The following FLT3 variants were observed in gnomAD, a reference collection of about 807,000 sequenced individuals.
The protein encoded by FLT3 is receptor-type tyrosine-protein kinase FLT3.
FLT3 carries 46 observed loss-of-function variants against 126.6 expected under a neutral mutation model. The observed-to-expected ratio is 0.36, with a 90% confidence interval of 0.29 to 0.46. The LOEUF (loss-of-function observed/expected upper bound fraction) is 0.46, where lower values mean the gene tolerates loss of function less well. Ranked by LOEUF, FLT3 falls within the 20% of genes least tolerant of loss-of-function variation. The probability of loss-of-function intolerance (pLI) is 1.00; values close to 1 mark genes in which losing one functional copy is unlikely to be tolerated. For missense variants in FLT3, 1,069 were observed against 1,190.3 expected, an observed-to-expected ratio of 0.90 and a Z score of 1.50; for synonymous variants, 404 against 434.4, an observed-to-expected ratio of 0.93 and a Z score of 0.87.
intron 2 of FLT3, among the ~76,000 whole-genome samples, chr13:28,063,572 A>G (rs1035216520): frequency 6.6e-6 from 1 of 152,234 alleles, no homozygotes; most frequent in Non-Finnish European, 1.5e-5. Flanking sequence ...TCTCCTTTAC[A>G]TGGCTGAACA....
rs769899577 is a variant in FLT3 at position 28,048,422 on chromosome 13, G to T, written c.1058C>A (p.Thr353Asn). Residue 353 changes from threonine to asparagine, a missense_variant, in exon 9 of 24, where the codon ACC becomes AAC. Physicochemically the swap from Thr to Asn is moderately conservative, Grantham distance 65 (BLOSUM62 0). Coordinates refer to ENST00000241453, the MANE Select transcript of FLT3 (RefSeq NM_004119.3). ...AATTTCATAATCTTCACTTGAATTG[G>T]TAGCATTTATAAATCCCTTTTCTGT... ...TIVEKGFINA[T>N]NSSEDYEIDQ... 6.2e-7 allele frequency: 1 copy of T among 1,606,954 alleles called. No homozygotes were observed. The highest frequency in any genetic ancestry group is 1.1e-5 in the South Asian group (1 of 90,570).
intron 2 of FLT3, among the ~76,000 whole-genome samples, chr13:28,065,519 G>A (rs1876937391): frequency 6.6e-6 from 1 of 152,134 alleles, no homozygotes; most frequent in Non-Finnish European, 1.5e-5. Context: ...GTGCATGCCT[G>A]TGGTCCTTGC....
chr13:28,014,638 C>T, intron 22 of FLT3, 81 bp from the exon 23 acceptor site: 1 of 942,910 alleles, frequency 1.1e-6, no homozygotes, highest in Admixed American at 2.0e-5. Flanking sequence ...AATGAAGCAC[C>T]ATTTATTCCT....
At chr13:28,035,474 T>G (rs1235219367) in intron 12 of FLT3, 21 bp downstream of exon 12, 1 of 1,600,482 alleles carries the variant, frequency 6.2e-7, no homozygotes, top group African/African-American at 1.3e-5. Context: ...TGGTGGAATA[T>G]CACAAGAACA....
chr13:28,030,900 T>C (rs536703025), intron 15 of FLT3, among the ~76,000 whole-genome samples: 50 of 149,952 alleles, frequency 3.3e-4, no homozygotes, highest in African/African-American at 1.2e-3. Flanking sequence ...TGAGACCCTA[T>C]CTCAAAAAAA....
At chr13:28,013,577 T>C (rs1871579100) in intron 23 of FLT3, among the ~76,000 whole-genome samples, 1 of 152,196 alleles carries the variant, frequency 6.6e-6, no homozygotes, top group African/African-American at 2.4e-5. Context: ...GTGGTGTTGA[T>C]GGGGGAAGCG....
chr13:28,051,147 A>G (rs9507988), intron 5 of FLT3, among the ~76,000 whole-genome samples: 1 of 152,102 alleles, frequency 6.6e-6, no homozygotes, highest in Non-Finnish European at 1.5e-5. Flanking sequence ...TCTGGATTCT[A>G]TATCTTTAAA....
intron 19 of FLT3, among the ~76,000 whole-genome samples, chr13:28,019,747 G>A (rs1872212303): frequency 6.6e-6 from 1 of 152,162 alleles, no homozygotes; most frequent in South Asian, 2.1e-4. Flanking sequence ...GGACCTCCCT[G>A]TGGTGTCTGC....
chr13:28,099,264 A>T (rs1263455779), intron 1 of FLT3, among the ~76,000 whole-genome samples: 1 of 152,228 alleles, frequency 6.6e-6, no homozygotes, highest in African/African-American at 2.4e-5. Context: ...ACATAATAGA[A>T]AGCTAACATT....
At chr13:28,008,273 C>CT (rs1871084975) in intron 23 of FLT3, among the ~76,000 whole-genome samples, 1 of 53,554 alleles carries the variant, frequency 1.9e-5, no homozygotes, top group Admixed American at 3.2e-4. Context: ...AAGAACCTGT[C>CT]TCAAAAAAAA....
intron 1 of FLT3, among the ~76,000 whole-genome samples, chr13:28,076,048 C>T (rs564679340): frequency 2.6e-5 from 4 of 152,200 alleles, no homozygotes; most frequent in East Asian, 1.9e-4. Context: ...CTGTCCGCCT[C>T]GGCCTCCCAA....
chr13:28,026,167 A>G (rs976719722), intron 17 of FLT3, among the ~76,000 whole-genome samples: 3 of 152,028 alleles, frequency 2.0e-5, no homozygotes, highest in Non-Finnish European at 4.4e-5. Context: ...CCTGACCAAC[A>G]TGGTGAAACC....
intron 1 of FLT3, among the ~76,000 whole-genome samples, chr13:28,099,549 C>G (rs1345489176): frequency 6.6e-6 from 1 of 152,198 alleles, no homozygotes. Flanking sequence ...GACGGACTCC[C>G]TCACTGCACA....
intron 1 of FLT3, among the ~76,000 whole-genome samples, chr13:28,074,689 G>A (rs571574830): frequency 1.3e-5 from 2 of 152,056 alleles, no homozygotes; most frequent in Admixed American, 6.6e-5. Context: ...CACTCAGGTT[G>A]GAGTATAGTG....
chr13:28,095,278 C>T (rs900811264), intron 1 of FLT3, among the ~76,000 whole-genome samples: 5 of 152,048 alleles, frequency 3.3e-5, no homozygotes, highest in African/African-American at 1.2e-4. Flanking sequence ...CTTCAGTTTC[C>T]CCTCTCTTTT....
At position 28,050,154 on chromosome 13, in the gene FLT3, T is replaced by G. The variant is rs550617659; in HGVS notation, c.683A>C (p.Asp228Ala). 2 of 1,614,020 alleles carry G rather than the reference T, an allele frequency of 1.2e-6. No homozygotes were observed. Among genetic ancestry groups the G allele is most frequent in the East Asian group, 4.5e-5 (2 of 44,878 alleles). Residue 228 changes from aspartate to alanine, a missense_variant, in exon 6 of 24, where the codon GAC becomes GCC. Physicochemically the swap from Asp to Ala is moderately radical, Grantham distance 126 (BLOSUM62 -2). Transcript: ENST00000241453. ...TTCATTTCTGGCACAGCACCTTATG[T>G]CCGTCCCAAATAATTCATGAAGCAC... ...EKVLHELFGT[D>A]IRCCARNELG...
chr13:28,024,715 A>G, intron 18 of FLT3, 146 bp downstream of exon 18: 1 of 567,976 alleles, frequency 1.8e-6, no homozygotes, highest in East Asian at 2.9e-5. Flanking sequence ...TAAAATCTAC[A>G]GTATACAAAC....
chr13:28,059,690 T>G (rs1876360027), intron 3 of FLT3, among the ~76,000 whole-genome samples: 1 of 152,162 alleles, frequency 6.6e-6, no homozygotes, highest in African/African-American at 2.4e-5. Flanking sequence ...GGCTGGATGC[T>G]GTGGCTCATG....
rs758850662 is a variant in FLT3 at position 28,061,979 on chromosome 13, A to G, written c.256T>C (p.Ser86Pro). The G allele has an allele frequency of 5.6e-6, 9 of 1,613,594 alleles. No individual in the cohort carries two copies. The highest frequency in any genetic ancestry group is 7.6e-6 in the Non-Finnish European group (9 of 1,179,870). Residue 86 changes from serine to proline, a missense_variant, in exon 3 of 24, where the codon TCT becomes CCT. Transcript: ENST00000241453. Reference sequence around the variant, plus strand: ...AGCACTTGCAGTGTGATGGAAGCAGATACATCCACTTCCACAGCGGCAGCT... The same window carrying G: ...AGCACTTGCAGTGTGATGGAAGCAGGTACATCCACTTCCACAGCGGCAGCT... ...YEAAAVEVDV[S>P]ASITLQVLVD...
Sources: gnomAD v4.1 joint callset for allele counts (sites outside exome capture counted in the v4.1 genomes callset) on GRCh38, gnomAD v4.1.1 for gene constraint, MANE v1.5 for transcripts, NCBI Gene and HGNC (gene_info 2026-07-23, HGNC 2026-07-21) for gene names.